BBS4: variants seen among roughly 807,000 people sequenced by gnomAD.
BBS4 encodes BBSome complex member BBS4.
A neutral mutation model predicts 71.4 loss-of-function variants in BBS4; 58 were observed. The ratio of observed to expected loss-of-function variants is 0.81; its 90% confidence interval spans 0.66 to 1.01. The LOEUF (loss-of-function observed/expected upper bound fraction) is 1.01. Ranked by LOEUF, BBS4 falls within the 50% of genes least tolerant of loss-of-function variation. BBS4 has a pLI of 0.00. For missense variants in BBS4, 660 were observed against 607.9 expected (o/e 1.09, Z -0.90); for synonymous variants, 228 against 216.8 (o/e 1.05, Z -0.46).
chr15:72,715,166 C>T, intron 4 of BBS4, 125 bp from the exon 5 acceptor site: 1 of 712,028 alleles, frequency 1.4e-6, no homozygotes, highest in Non-Finnish European at 2.5e-6. Context: ...TTTAAGGATA[C>T]AGTTGTCCAA....
At chr15:72,695,636 A>G (rs938316889) in intron 2 of BBS4, among the ~76,000 whole-genome samples, 5 of 152,194 alleles carry the variant, frequency 3.3e-5, no homozygotes, top group Non-Finnish European at 7.3e-5. Flanking sequence ...TTATTTCAAA[A>G]TGAGTGTTGG....
At chr15:72,699,595 A>T (rs1391730465) in intron 2 of BBS4, among the ~76,000 whole-genome samples, 2 of 152,174 alleles carry the variant, frequency 1.3e-5, no homozygotes, top group Non-Finnish European at 2.9e-5. Flanking sequence ...TATCACTTAG[A>T]AAGTTTCCTC....
intron 13 of BBS4, 68 bp downstream of exon 13, chr15:72,735,250 C>A: frequency 8.0e-7 from 1 of 1,243,468 alleles, no homozygotes; most frequent in Non-Finnish European, 1.2e-6. Flanking sequence ...TGGTGCCATA[C>A]ATAGCATTGG....
intron 8 of BBS4, among the ~76,000 whole-genome samples, chr15:72,724,887 G>A (rs1322802688): frequency 2.0e-5 from 3 of 152,048 alleles, no homozygotes; most frequent in African/African-American, 7.2e-5. Flanking sequence ...ATTCTACAAG[G>A]TCAGCCAGGG....
chr15:72,737,376 T>C, intron 15 of BBS4, 102 bp from the exon 16 acceptor site: 1 of 1,012,194 alleles, frequency 9.9e-7, no homozygotes, highest in East Asian at 2.6e-5. Context: ...TCCCACTGGT[T>C]CCAGAAAATA....
intron 2 of BBS4, chr15:72,704,519 T>C: frequency 8.7e-7 from 1 of 1,147,834 alleles, no homozygotes; most frequent in Non-Finnish European, 1.2e-6. Context: ...TCATAGATTC[T>C]AGGGATTTCT....
chr15:72,726,254 C>T (rs1433925908), intron 8 of BBS4, among the ~76,000 whole-genome samples: 5 of 151,754 alleles, frequency 3.3e-5, no homozygotes, highest in Middle Eastern at 3.4e-3. Context: ...TGGGACTGCA[C>T]GAGCACGCCA....
chr15:72,704,602 C>A, intron 2 of BBS4: 1 of 478,384 alleles, frequency 2.1e-6, no homozygotes, highest in Non-Finnish European at 3.6e-6. Context: ...GCAACAGGCC[C>A]AGCACAGTGA....
intron 2 of BBS4, among the ~76,000 whole-genome samples, chr15:72,705,563 A>C (rs1400327973): frequency 4.0e-5 from 6 of 150,042 alleles, no homozygotes; most frequent in Non-Finnish European, 7.4e-5. Flanking sequence ...GCTTTCACTC[A>C]AGAAACACAA....
At chr15:72,722,454 C>G (rs1251269391) in intron 6 of BBS4, among the ~76,000 whole-genome samples, 2 of 152,170 alleles carry the variant, frequency 1.3e-5, no homozygotes, top group Non-Finnish European at 2.9e-5. Context: ...TGTGGGTAGT[C>G]TCTCCTGAGA....
chr15:72,713,950 A>G, intron 4 of BBS4, among the ~76,000 whole-genome samples: 1 of 152,222 alleles, frequency 6.6e-6, no homozygotes, highest in East Asian at 1.9e-4. Context: ...ATGACTAGTA[A>G]TGTTAAAAAA....
chr15:72,735,934 A>G lies in BBS4; in HGVS notation c.1216A>G (p.Lys406Glu), dbSNP rs764336031. 1 of 1,614,154 alleles carries G rather than the reference A, an allele frequency of 6.2e-7. No individual in the cohort carries two copies. Residue 406 changes from lysine (K) to glutamate (E), a missense_variant, in exon 14 of 16, where the codon AAG becomes GAG. Coordinates refer to ENST00000268057, the MANE Select transcript of BBS4 (RefSeq NM_033028.5). ...QEMEKKVSLL[K>E]DNSSLEFDSE... The stretch of plus-strand genomic sequence containing the variant: ...GATGGAGAAGAAAGTCAGCCTACTC[A>G]AGGACAATAGCTCTCTGGAATTTGA...
chr15:72,721,474 GAAA>G (rs932312892), intron 6 of BBS4, among the ~76,000 whole-genome samples: 1 of 148,128 alleles, frequency 6.8e-6, no homozygotes, highest in Admixed American at 6.7e-5. Flanking sequence ...AACTAAAAAA[GAAA>G]AAAAAAATCC....
intron 2 of BBS4, among the ~76,000 whole-genome samples, chr15:72,706,001 A>C (rs1275310876): frequency 6.6e-6 from 1 of 152,172 alleles, no homozygotes; most frequent in African/African-American, 2.4e-5. Context: ...TGTAATACTT[A>C]GTATAAACTC....
chr15:72,729,161 CTTTTTTTTTTT>C (rs71137313), intron 9 of BBS4, among the ~76,000 whole-genome samples: 1 of 70,036 alleles, frequency 1.4e-5, no homozygotes, highest in African/African-American at 7.0e-5. Context: ...ACTGTAGCTG[CTTTTTTTTTTT>C]TTTTTTTTTT....
intron 2 of BBS4, among the ~76,000 whole-genome samples, chr15:72,707,751 T>G (rs1158227186): frequency 6.6e-6 from 1 of 152,212 alleles, no homozygotes; most frequent in Non-Finnish European, 1.5e-5. Flanking sequence ...GAAAAGTAAT[T>G]CTTAATGAAT....
intron 1 of BBS4, among the ~76,000 whole-genome samples, chr15:72,694,193 CTTTT>C (rs34852416): frequency 2.2e-5 from 3 of 135,378 alleles, no homozygotes; most frequent in Non-Finnish European, 3.2e-5. Context: ...CCTTTCTTTC[CTTTT>C]TTTTTTTTTT....
chr15:72,699,145 A>ATT (rs71442345), intron 2 of BBS4, among the ~76,000 whole-genome samples: 6 of 145,152 alleles, frequency 4.1e-5, no homozygotes, highest in South Asian at 2.2e-4. Flanking sequence ...TGAGCTAAGC[A>ATT]TTTTTTTTTT....
At chr15:72,688,756 C>T (rs1422818596) in intron 1 of BBS4, among the ~76,000 whole-genome samples, 1 of 152,110 alleles carries the variant, frequency 6.6e-6, no homozygotes, top group Non-Finnish European at 1.5e-5. Context: ...AGACCTGTGT[C>T]CCACAGAAAA....
Sources: gnomAD v4.1 joint callset for allele counts (sites outside exome capture counted in the v4.1 genomes callset) on GRCh38, gnomAD v4.1.1 for gene constraint, MANE v1.5 for transcripts, NCBI Gene and HGNC (gene_info 2026-07-23, HGNC 2026-07-21) for gene names.